The following USP25 variants were observed in gnomAD, a reference collection of about 807,000 sequenced individuals.
USP25 encodes ubiquitin carboxyl-terminal hydrolase 25.
A neutral mutation model predicts 158.5 loss-of-function variants in USP25; 85 were observed. The ratio of observed to expected loss-of-function variants is 0.54; its 90% CI spans 0.45 to 0.64. The LOEUF is 0.64. USP25 is among the 30% of genes least tolerant of loss of function. USP25 has a pLI of 0.00. For missense variants in USP25, 1,242 were observed against 1,327.3 expected (o/e 0.94, Z 1.00); for synonymous variants, 464 against 460.4 (o/e 1.01, Z -0.10).
chr21:15,863,477 C>T (rs145223644), intron 20 of USP25, among the ~76,000 whole-genome samples: 10 of 152,184 alleles, frequency 6.6e-5, no homozygotes, highest in African/African-American at 2.2e-4. Context: ...TGCAATAATA[C>T]GACTATGCAT....
Position 15,826,299 on chromosome 21 carries a change from C to T in USP25, c.1400C>T (p.Ser467Phe). ...GCCTCAAGTAAACCTGTTTGCACTT[C>T]TCCTGTTGACGATATTGACGCTAGT... ...EFASSKPVCT[S>F]PVDDIDASSP... Residue 467 changes from serine (S) to phenylalanine (F), a missense_variant, in exon 13 of 26, where the codon TCT (serine) becomes TTT (phenylalanine). Physicochemically the swap from Ser to Phe is radical, Grantham distance 155. Coordinates refer to ENST00000400183, the MANE Select transcript of USP25 (RefSeq NM_001283041.3). This position sits in a 1 kb window ranked among gnomAD's most constrained non-coding sequence, Gnocchi z 4.8. 1.2e-6 allele frequency: 2 copies of T among 1,614,100 alleles called. No homozygotes were observed. The highest frequency in any genetic ancestry group is 1.7e-6 in the Non-Finnish European group (2 of 1,179,980).
At chr21:15,801,926 T>C (rs1216124275) in intron 6 of USP25, among the ~76,000 whole-genome samples, 1 of 151,582 alleles carries the variant, frequency 6.6e-6, no homozygotes, top group African/African-American at 2.4e-5. Flanking sequence ...AAATTGAAAC[T>C]AATTTTAGAC....
At chr21:15,860,970 A>G (rs1426886030) in intron 20 of USP25, among the ~76,000 whole-genome samples, 1 of 138,086 alleles carries the variant, frequency 7.2e-6, no homozygotes, top group African/African-American at 2.6e-5. Flanking sequence ...ATATATATAT[A>G]TATATAGAGA....
intron 1 of USP25, among the ~76,000 whole-genome samples, chr21:15,731,073 G>A (rs1369598599): frequency 7.7e-6 from 1 of 130,090 alleles, no homozygotes; most frequent in Non-Finnish European, 1.6e-5. Flanking sequence ...TGTCCCCTAA[G>A]TTTGACCTTG....
chr21:15,831,825 A>T (rs1049432576), intron 16 of USP25, among the ~76,000 whole-genome samples, 196 bp downstream of exon 16: 1 of 152,346 alleles, frequency 6.6e-6, no homozygotes, highest in South Asian at 2.1e-4. Flanking sequence ...TTCCAAGTCA[A>T]CTATTAAAGG....
intron 5 of USP25, among the ~76,000 whole-genome samples, chr21:15,793,501 T>TA (rs147874319): frequency 0.12 from 18,704 of 151,062 alleles, 3,457 homozygotes; most frequent in African/African-American, 0.4. Context: ...AATTATCTTT[T>TA]AAAAAAATGC....
chr21:15,761,667 C>A (rs1454464543), intron 1 of USP25, among the ~76,000 whole-genome samples: 4 of 152,198 alleles, frequency 2.6e-5, no homozygotes, highest in African/African-American at 9.7e-5. Context: ...GCCACTGCAC[C>A]TGTGGACAGC....
At chr21:15,829,979 G>A (rs2037718506) in intron 14 of USP25, among the ~76,000 whole-genome samples, 1 of 152,082 alleles carries the variant, frequency 6.6e-6, no homozygotes. Context: ...CTTATTGACA[G>A]ATATTTAGGT....
chr21:15,741,937 A>T (rs1601246118), intron 1 of USP25, among the ~76,000 whole-genome samples: 1 of 152,334 alleles, frequency 6.6e-6, no homozygotes, highest in Non-Finnish European at 1.5e-5. Context: ...AATTAATTGC[A>T]CACATACATG....
At position 15,851,149 on chromosome 21, in the gene USP25, G is replaced by A. The variant is rs750494801; in HGVS notation, c.2547+1277G>A. Among the ~76,000 whole-genome samples the A allele has an allele frequency of 2.0e-5, 3 of 150,482 alleles. 1 individual carries two copies. The highest frequency in any genetic ancestry group is 3.0e-5 in the Non-Finnish European group (2 of 67,688). On this transcript the variant is annotated intron_variant, in intron 20 of 25. Coordinates refer to ENST00000400183, the MANE Select transcript of USP25 (RefSeq NM_001283041.3). ...AAACACTGAATATATGTCCTCTAAA[G>A]TATTTATTTCTTGTGGAAAAGTTAT... is the stretch of plus-strand genomic sequence containing the variant.
intron 10 of USP25, among the ~76,000 whole-genome samples, chr21:15,823,135 C>T (rs2037318108): frequency 6.6e-6 from 1 of 152,034 alleles, no homozygotes; most frequent in African/African-American, 2.4e-5. Context: ...GAAATTATCA[C>T]ACACAATAGA....
At chr21:15,785,974 A>G (rs898274161) in intron 4 of USP25, among the ~76,000 whole-genome samples, 2 of 152,130 alleles carry the variant, frequency 1.3e-5, no homozygotes, top group African/African-American at 2.4e-5. Context: ...AAACATTACA[A>G]ATGTATCACA....
chr21:15,789,577 A>G (rs2035479196), intron 4 of USP25, among the ~76,000 whole-genome samples: 1 of 152,034 alleles, frequency 6.6e-6, no homozygotes, highest in Middle Eastern at 3.2e-3. Context: ...ATGCTGTAGA[A>G]TCCTCTTTTT....
rs547501168 is a variant in USP25, at chr21:15,773,826, T to C, written c.269-4078T>C. ...CAGTCTATTATGTTTGAATAACATA[T>C]TTTATGAAAAACACATTTGCTGAAA... On this transcript the variant is annotated intron_variant, in intron 3 of 25. Transcript: ENST00000400183. Among the ~76,000 whole-genome samples the C allele has an allele frequency of 6.6e-5, 10 of 152,334 alleles. No homozygotes were observed. The South Asian group carries it at 1.9e-3, about 28-fold the overall frequency.
intron 9 of USP25, among the ~76,000 whole-genome samples, chr21:15,818,047 A>G (rs1302924328): frequency 6.6e-6 from 1 of 152,112 alleles, no homozygotes; most frequent in East Asian, 1.9e-4. Context: ...AAACATATCA[A>G]CTTCTTTACT....
At chr21:15,847,864 A>G (rs2038701623) in intron 19 of USP25, 88 bp downstream of exon 19, 7 of 755,654 alleles carry the variant, frequency 9.3e-6, no homozygotes, top group Non-Finnish European at 1.5e-5. Context: ...CTCATACTTA[A>G]TGTCTATTGC....
chr21:15,878,409 T>A lies in USP25; in HGVS notation c.3312T>A (p.His1104Gln), dbSNP rs2040183659. The change falls in exon 26 of 26, where the codon CAT becomes CAA. Residue 1104 changes from histidine to glutamine, a missense_variant. His to Gln is a conservative substitution (Grantham distance 24, BLOSUM62 0). Coordinates refer to ENST00000400183, the MANE Select transcript of USP25 (RefSeq NM_001283041.3). ...CGAAGTTACCTTCATATTCCACGCA[T>A]GAACTCTGTGAGCGATTTGCCCGAA... ...EPPKLPSYST[H>Q]ELCERFARIM... The A allele has an allele frequency of 6.2e-7, 1 of 1,613,982 alleles. No homozygotes were observed. The highest frequency in any genetic ancestry group is 8.5e-7 in the Non-Finnish European group (1 of 1,179,960).
intron 1 of USP25, among the ~76,000 whole-genome samples, chr21:15,732,678 T>A (rs907367477): frequency 6.6e-6 from 1 of 152,236 alleles, no homozygotes. Context: ...TATTTAAAAT[T>A]TAAGTATTTA....
At chr21:15,842,648 T>TG in intron 18 of USP25, 108 bp downstream of exon 18, 1 of 1,388,468 alleles carries the variant, frequency 7.2e-7, no homozygotes, top group South Asian at 1.5e-5. Flanking sequence ...GGCCCAGTGA[T>TG]GGCTCTGCCA....
Sources: allele counts gnomAD v4.1 joint callset (sites outside exome capture counted in the v4.1 genomes callset), GRCh38; gene constraint gnomAD v4.1.1; non-coding constraint Gnocchi (gnomAD v3.1); transcripts MANE v1.5; gene names NCBI Gene and HGNC (gene_info 2026-07-23, HGNC 2026-07-21).